Variants in SLC17A4 observed in about 807,000 individuals in gnomAD.
The protein encoded by SLC17A4 is solute carrier family 17 member 4, also known as probable small intestine urate exporter.
In SLC17A4, 33 loss-of-function variants were observed where a neutral mutation model predicts 52.5. The ratio of observed to expected loss-of-function variants is 0.63; its 90% CI spans 0.48 to 0.84. SLC17A4 has a LOEUF of 0.84. Ranked by LOEUF, SLC17A4 falls within the 40% of genes least tolerant of loss-of-function variation. The probability of loss-of-function intolerance (pLI) is 0.00; values close to 1 mark genes in which losing one functional copy is unlikely to be tolerated. For synonymous variants in SLC17A4, 225 were observed against 216.2 expected (o/e 1.04, Z -0.36); for missense variants, 585 against 597.1 (o/e 0.98, Z 0.21).
intron 6 of SLC17A4, among the ~76,000 whole-genome samples, chr6:25,772,266 A>T (rs890662473): frequency 1.3e-5 from 2 of 152,186 alleles, no homozygotes; most frequent in South Asian, 4.1e-4. Context: ...AACTCACTAA[A>T]TATTTGTTGA....
intron 6 of SLC17A4, 81 bp downstream of exon 6, chr6:25,771,093 T>G: frequency 9.1e-7 from 1 of 1,100,096 alleles, no homozygotes; most frequent in Non-Finnish European, 1.4e-6. Context: ...CAAATCCTAA[T>G]AGATATGGAT....
intron 2 of SLC17A4, among the ~76,000 whole-genome samples, chr6:25,766,195 T>G (rs1288467932): frequency 6.6e-6 from 1 of 151,028 alleles, no homozygotes; most frequent in African/African-American, 2.4e-5. Context: ...TGTTTCTAAT[T>G]TATAAATATG....
chr6:25,762,515 G>T (rs1292284868), intron 2 of SLC17A4, among the ~76,000 whole-genome samples: 3 of 152,012 alleles, frequency 2.0e-5, no homozygotes, highest in South Asian at 2.1e-4. Context: ...TTTATAATAT[G>T]CATTAAGGGA....
chr6:25,756,200 C>T (rs1761000942), intron 1 of SLC17A4, among the ~76,000 whole-genome samples: 1 of 152,124 alleles, frequency 6.6e-6, no homozygotes, highest in Admixed American at 6.5e-5. Context: ...CTGCCCACCC[C>T]TTTGATCTCA....
At position 25,769,154 on chromosome 6, in the gene SLC17A4, C is replaced by A; in HGVS notation, c.261C>A (p.Gly87=). The A allele has an allele frequency of 1.2e-6, 2 of 1,613,996 alleles. No individual in the cohort carries two copies. The highest frequency in any genetic ancestry group is 2.7e-5 in the African/African-American group (2 of 75,000). Residue 87 remains glycine (G), a synonymous_variant, in exon 3 of 12, where the codon GGC becomes GGA. Coordinates refer to ENST00000377905, the MANE Select transcript of SLC17A4 (RefSeq NM_005495.3). The part of the protein sequence containing the change: ...STERPSTDSQ[G]YWNETLKEFK... Reference sequence around the variant, plus strand: ...AACGGCCCTCCACTGACTCCCAGGGCTACTGGAATGAAACTCTAAAAGAAT... The same window carrying A: ...AACGGCCCTCCACTGACTCCCAGGGATACTGGAATGAAACTCTAAAAGAAT...
chr6:25,762,070 T>C lies in SLC17A4; in HGVS notation c.91+17T>C. 6.2e-7 allele frequency: 1 copy of C among 1,604,772 alleles called. No homozygotes were observed. The highest frequency in any genetic ancestry group is 8.5e-7 in the Non-Finnish European group (1 of 1,173,236). ...CCAGGAAAGGTAAAATCATGCACAG[T>C]AATCTGGTAGTAAATAAAACTAGGA... On this transcript the variant is annotated intron_variant, in intron 2 of 11. Coordinates refer to ENST00000377905, the MANE Select transcript of SLC17A4 (RefSeq NM_005495.3).
At chr6:25,773,485 G>A in intron 7 of SLC17A4, 28 bp from the exon 8 acceptor site, 5 of 1,613,088 alleles carry the variant, frequency 3.1e-6, no homozygotes, top group Non-Finnish European at 4.2e-6. Flanking sequence ...TTCTGACGGA[G>A]GGGACATTGA....
rs150174992 is a variant in SLC17A4, at chr6:25,769,076, C to T, written c.183C>T (p.Ile61=). ...AACAAATGAACTTGAGCATTGCCAT[C>T]CCAGCTATGGTGAACAACACAGCCC... ...YTQQMNLSIA[I]PAMVNNTAPP... is the part of the protein sequence containing the mutation. Residue 61 remains isoleucine, a synonymous_variant, in exon 3 of 12, where the codon ATC becomes ATT. Coordinates refer to ENST00000377905, the MANE Select transcript of SLC17A4 (RefSeq NM_005495.3). The T allele has an allele frequency of 6.2e-7, 1 of 1,614,096 alleles. No individual in the cohort carries two copies. The highest frequency in any genetic ancestry group is 1.3e-5 in the African/African-American group (1 of 75,038).
At chr6:25,775,028 C>T (rs1343174363) in intron 8 of SLC17A4, among the ~76,000 whole-genome samples, 2 of 152,102 alleles carry the variant, frequency 1.3e-5, no homozygotes, top group Non-Finnish European at 2.9e-5. Context: ...ATTTTAAAAA[C>T]TATATTGAAA....
chr6:25,770,455 C>A lies in SLC17A4; in HGVS notation c.603C>A (p.Thr201=). ...WAPPLERSQL[T]TIAGSGSMLG... Reference sequence around the variant, plus strand: ...CCCCACTGGAAAGGAGTCAACTCACCACCATTGCTGGATCAGGTAACTGGT... The same window carrying A: ...CCCCACTGGAAAGGAGTCAACTCACAACCATTGCTGGATCAGGTAACTGGT... The change falls in exon 5 of 12, where the codon ACC becomes ACA. Residue 201 remains threonine, a synonymous_variant. Coordinates refer to ENST00000377905, the MANE Select transcript of SLC17A4 (RefSeq NM_005495.3). 1 of 1,614,022 alleles carries A rather than the reference C, an allele frequency of 6.2e-7. No individual in the cohort carries two copies. The highest frequency in any genetic ancestry group is 8.5e-7 in the Non-Finnish European group (1 of 1,179,922).
Position 25,773,521 on chromosome 6 carries a change from A to G in SLC17A4, c.834A>G (p.Ser278=). Residue 278 remains serine, a synonymous_variant, in exon 8 of 12, where the codon TCA becomes TCG. Transcript: ENST00000377905. ...IVCSLAQQDC[S]PGWSLPIRAM... is the part of the protein sequence containing the mutation. ...TGTGTGCTTTCTTCCAGGACTGTTCACCAGGCTGGTCTCTTCCCATTAGGG... is the reference window on the plus strand; with the variant it reads ...TGTGTGCTTTCTTCCAGGACTGTTCGCCAGGCTGGTCTCTTCCCATTAGGG... The G allele has an allele frequency of 6.2e-7, 1 of 1,613,768 alleles. No individual in the cohort carries two copies. Among genetic ancestry groups the G allele is most frequent in the Non-Finnish European group, 8.5e-7 (1 of 1,179,848 alleles).
chr6:25,771,687 T>C (rs969306441), intron 6 of SLC17A4, among the ~76,000 whole-genome samples: 1 of 152,224 alleles, frequency 6.6e-6, no homozygotes, highest in African/African-American at 2.4e-5. Flanking sequence ...AAAACCACAA[T>C]TGCTTTTGCA....
In SLC17A4 at chr6:25,777,961, T is replaced by C. The variant is rs779156525; in HGVS notation, c.1304T>C (p.Phe435Ser). The C allele has an allele frequency of 5.0e-6, 8 of 1,613,130 alleles. No individual in the cohort carries two copies. In the East Asian group the frequency reaches 1.6e-4, roughly 31 times the overall value. Residue 435 changes from phenylalanine to serine, a missense_variant, in exon 11 of 12, where the codon TTT (phenylalanine) becomes TCT (serine). By Grantham distance (155) the Phe-to-Ser change is radical. Transcript: ENST00000377905. Reference protein sequence around the residue: ...TGFLKGLLQVFAHIAGAISPT... With the variant: ...TGFLKGLLQVSAHIAGAISPT... ...TTTCTCAAAGGACTATTGCAAGTCT[T>C]TGCACACATAGCTGGAGCCATCTCT... is the stretch of plus-strand genomic sequence containing the variant.
intron 2 of SLC17A4, among the ~76,000 whole-genome samples, chr6:25,764,830 C>T (rs528264199): frequency 6.3e-4 from 96 of 152,274 alleles, no homozygotes; most frequent in Non-Finnish European, 1.1e-3. Flanking sequence ...GCATCAGGGG[C>T]CAGTGCTACA....
intron 2 of SLC17A4, among the ~76,000 whole-genome samples, chr6:25,764,912 A>G (rs2154217): frequency 0.1 from 15,847 of 152,262 alleles, 1,047 homozygotes; most frequent in Middle Eastern, 0.16. Flanking sequence ...AAATTATACA[A>G]TGTTATTGCA....
At chr6:25,779,003 G>T in intron 11 of SLC17A4, 51 bp from the exon 12 acceptor site, 1 of 1,603,656 alleles carries the variant, frequency 6.2e-7, no homozygotes, top group Middle Eastern at 1.7e-4. Flanking sequence ...TCTGAACCAA[G>T]AGGGACAGGA....
intron 1 of SLC17A4, among the ~76,000 whole-genome samples, 164 bp downstream of exon 1, chr6:25,754,945 G>A (rs914520510): frequency 1.6e-4 from 24 of 151,808 alleles, no homozygotes; most frequent in African/African-American, 5.8e-4. Flanking sequence ...AAGTGAGAAG[G>A]GATGTTGCAT....
chr6:25,776,554 T>A (rs548846702), intron 8 of SLC17A4, 41 bp from the exon 9 acceptor site: 2 of 1,551,762 alleles, frequency 1.3e-6, no homozygotes, highest in Non-Finnish European at 1.7e-6. Context: ...GTGGTGGGGG[T>A]GGTAAGGGCA....
At chr6:25,771,345 A>C (rs1762463979) in intron 6 of SLC17A4, among the ~76,000 whole-genome samples, 1 of 152,078 alleles carries the variant, frequency 6.6e-6, no homozygotes, top group Non-Finnish European at 1.5e-5. Flanking sequence ...AGGCTGAGGC[A>C]GGTGGATCAC....
Sources: gnomAD v4.1 joint callset for allele counts (sites outside exome capture counted in the v4.1 genomes callset) on GRCh38, gnomAD v4.1.1 for gene constraint, MANE v1.5 for transcripts, NCBI Gene and HGNC (gene_info 2026-07-23, HGNC 2026-07-21) for gene names.